Variants in ARHGEF37 observed in about 807,000 individuals in gnomAD.
The protein encoded by ARHGEF37 is Rho guanine nucleotide exchange factor (GEF) 37.
A neutral mutation model predicts 71.1 loss-of-function variants in ARHGEF37; 55 were observed. That is an observed-to-expected ratio of 0.77 (90% CI 0.62 to 0.97). ARHGEF37 has a LOEUF of 0.97. ARHGEF37 is among the 50% of genes least tolerant of loss of function. The probability of loss-of-function intolerance (pLI) is 0.00; values close to 1 mark genes in which losing one functional copy is unlikely to be tolerated. For synonymous variants in ARHGEF37, 327 were observed against 350.6 expected (o/e 0.93, Z 0.75); for missense variants, 765 against 836.8 (o/e 0.91, Z 1.06).
chr5:149,555,471 ATTT>A (rs11349933), intron 1 of ARHGEF37, among the ~76,000 whole-genome samples: 4 of 145,588 alleles, frequency 2.7e-5, no homozygotes, highest in African/African-American at 2.5e-5. Flanking sequence ...TGCCTGGCTA[ATTT>A]TTTTTTTTTT....
Position 149,632,430 on chromosome 5 carries a change from C to A in ARHGEF37, c.*239C>A, listed in dbSNP as rs995008129. The A allele has an allele frequency of 1.9e-6, 1 of 534,434 alleles. No individual in the cohort carries two copies. Among genetic ancestry groups the A allele is most frequent in the Admixed American group, 3.1e-5 (1 of 32,040 alleles). 33.1% of individuals were successfully genotyped at this position (534,434 alleles called of 1,614,324 possible). A position where few individuals can be genotyped will look rare whatever the true frequency, so the allele number is the denominator to read the frequency against. On this transcript the variant is annotated 3_prime_UTR_variant, in exon 13 of 13. Coordinates refer to ENST00000333677, the MANE Select transcript of ARHGEF37 (RefSeq NM_001001669.3). ...TTATGTCTGCATAAAGAACTCATTC[C>A]GACCTGGGGTCACAATGCACTTGGA...
intron 2 of ARHGEF37, among the ~76,000 whole-genome samples, chr5:149,598,265 CTTCTTCTTCTTCTT>C (rs1763612393): frequency 4.1e-5 from 4 of 98,490 alleles, no homozygotes; most frequent in African/African-American, 4.8e-5. Context: ...TAAACTGACT[CTTCTTCTTCTTCTT>C]CTTCTTCTTC....
chr5:149,591,448 C>G (rs1763403033), intron 1 of ARHGEF37, among the ~76,000 whole-genome samples: 1 of 152,018 alleles, frequency 6.6e-6, no homozygotes, highest in African/African-American at 2.4e-5. Context: ...CAGTAGTGCC[C>G]TCATAGCTCA....
intron 1 of ARHGEF37, among the ~76,000 whole-genome samples, chr5:149,558,635 C>T (rs1223577851): frequency 6.6e-6 from 1 of 151,506 alleles, no homozygotes; most frequent in Non-Finnish European, 1.5e-5. Flanking sequence ...GGATTACAGG[C>T]GTGAGCCACT....
At chr5:149,576,826 T>C (rs1472656456), upstream of ARHGEF37, among the ~76,000 whole-genome samples, 1 of 152,004 alleles carries the variant, frequency 6.6e-6, no homozygotes, top group Non-Finnish European at 1.5e-5. Flanking sequence ...CCTGGTGGTG[T>C]ACAACTATAA....
upstream of ARHGEF37, among the ~76,000 whole-genome samples, chr5:149,579,864 C>T (rs1452879435): frequency 3.3e-5 from 5 of 151,980 alleles, no homozygotes; most frequent in East Asian, 1.9e-4. Flanking sequence ...GGATTACAGG[C>T]GTGAACCACC....
In ARHGEF37 at chr5:149,621,843, G is replaced by A. The variant is rs376923718; in HGVS notation, c.1116G>A (p.Glu372=). ...KKRLDKLLDF[E]RVEEKLLEVG... is the part of the protein sequence containing the mutation. ...GTCTGGACAAGCTACTGGACTTTGA[G>A]CGGGTGGAAGAGAAGCTGCTGGAGG... The change falls in exon 9 of 13, where the codon GAG becomes GAA. Residue 372 remains glutamate, a synonymous_variant. Transcript: ENST00000333677. 21 of 1,614,136 alleles carry A rather than the reference G, an allele frequency of 1.3e-5. No homozygotes were observed. Among genetic ancestry groups the A allele is most frequent in the Non-Finnish European group, 1.7e-5 (20 of 1,180,054 alleles).
At chr5:149,572,371 T>C (rs888600420) in intron 1 of ARHGEF37, among the ~76,000 whole-genome samples, 1 of 152,242 alleles carries the variant, frequency 6.6e-6, no homozygotes, top group African/African-American at 2.4e-5. Flanking sequence ...AGTTACAGGC[T>C]ATCAAGGAGA....
intron 1 of ARHGEF37, among the ~76,000 whole-genome samples, chr5:149,565,829 ATTTTTTTTTTTTTTTTTTTT>A (rs201683478): frequency 4.7e-5 from 4 of 84,488 alleles, no homozygotes; most frequent in African/African-American, 6.7e-5. Context: ...AGAAACTCTA[ATTTTTTTTTTTTTTTTTTTT>A]TTTTTTTTTT....
chr5:149,601,319 TC>T, intron 3 of ARHGEF37, 88 bp downstream of exon 3: 1 of 1,466,936 alleles, frequency 6.8e-7, no homozygotes, highest in Non-Finnish European at 9.2e-7. Flanking sequence ...TCTCCAGAGT[TC>T]CAGAGAAATG....
chr5:149,629,103 T>G, intron 12 of ARHGEF37, 137 bp downstream of exon 12: 4 of 1,123,488 alleles, frequency 3.6e-6, no homozygotes, highest in Non-Finnish European at 4.9e-6. Context: ...CCTTGATCAA[T>G]GGCCATGCCA....
chr5:149,575,996 A>T (rs1763024813), intron 1 of ARHGEF37, among the ~76,000 whole-genome samples: 1 of 152,170 alleles, frequency 6.6e-6, no homozygotes, highest in African/African-American at 2.4e-5. Flanking sequence ...CTGTAATCCC[A>T]GCACTTTGGG....
Position 149,632,202 on chromosome 5 carries a change from T to G in ARHGEF37, c.*11T>G. ...AGTCTGCCCTCTTAGGGTACCCTCT[T>G]TGGAGCCTACATTGCCAAATGATGG... On this transcript the variant is annotated 3_prime_UTR_variant, in exon 13 of 13. Transcript: ENST00000333677. 6.2e-7 allele frequency: 1 copy of G among 1,612,532 alleles called. No individual in the cohort carries two copies. The highest frequency in any genetic ancestry group is 8.5e-7 in the Non-Finnish European group (1 of 1,178,966).
chr5:149,562,003 T>C (rs1161366290), intron 1 of ARHGEF37, among the ~76,000 whole-genome samples: 1 of 152,194 alleles, frequency 6.6e-6, no homozygotes, highest in South Asian at 2.1e-4. Context: ...TGAGACTAAA[T>C]TTGGAAGATG....
At chr5:149,553,213 A>G (rs1439014592) in intron 1 of ARHGEF37, among the ~76,000 whole-genome samples, 1 of 152,178 alleles carries the variant, frequency 6.6e-6, no homozygotes, top group African/African-American at 2.4e-5. Flanking sequence ...ATTCTGGCCA[A>G]CGTGGTGAAA....
intron 1 of ARHGEF37, among the ~76,000 whole-genome samples, chr5:149,587,702 G>T (rs1274794295): frequency 6.6e-6 from 1 of 152,108 alleles, no homozygotes; most frequent in East Asian, 1.9e-4. Context: ...GGTAGTGATA[G>T]TAGGGATGGG....
At chr5:149,582,412 G>T (rs778784008) in intron 1 of ARHGEF37, among the ~76,000 whole-genome samples, 2 of 152,200 alleles carry the variant, frequency 1.3e-5, no homozygotes, top group Non-Finnish European at 2.9e-5. Context: ...CCTGCTGTGC[G>T]TCCAGACAGC....
chr5:149,581,201 G>C (rs772768687), upstream of ARHGEF37, among the ~76,000 whole-genome samples: 1 of 152,198 alleles, frequency 6.6e-6, no homozygotes, highest in Non-Finnish European at 1.5e-5. Flanking sequence ...TTCCCACCGG[G>C]TGGCCTAAAT....
intron 1 of ARHGEF37, among the ~76,000 whole-genome samples, chr5:149,555,555 TC>T (rs2113225916): frequency 6.6e-6 from 1 of 151,882 alleles, no homozygotes; most frequent in African/African-American, 2.4e-5. Context: ...ACTCAAGTGA[TC>T]CTGACGCCTC....
Sources: allele counts gnomAD v4.1 joint callset (sites outside exome capture counted in the v4.1 genomes callset), GRCh38; gene constraint gnomAD v4.1.1; transcripts MANE v1.5; gene names NCBI Gene and HGNC (gene_info 2026-07-23, HGNC 2026-07-21).